Variants in DSP observed in about 807,000 individuals in gnomAD.
DSP encodes 250/210 kDa paraneoplastic pemphigus antigen.
DSP carries 114 observed loss-of-function variants against 290.6 expected under a neutral mutation model. That is an observed-to-expected ratio of 0.39 (90% CI 0.34 to 0.46). The LOEUF is 0.46. DSP is among the 20% of genes least tolerant of loss of function. The pLI is 0.99. For missense variants in DSP, 3,230 were observed against 3,495.8 expected (o/e 0.92, Z 1.92); for synonymous variants, 1,311 against 1,316.4 (o/e 1.00, Z 0.09).
At chr6:7,559,595 C>T (rs1281521929) in intron 4 of DSP, among the ~76,000 whole-genome samples, 195 bp downstream of exon 4, 3 of 152,170 alleles carry the variant, frequency 2.0e-5, no homozygotes, top group African/African-American at 7.2e-5. Context: ...TTCAGTGTGG[C>T]TTGGGGAATC....
intron 11 of DSP, 93 bp downstream of exon 11, chr6:7,568,682 A>G: frequency 7.4e-7 from 1 of 1,349,198 alleles, no homozygotes. Context: ...CTAGAGTTCA[A>G]TAATCACCAC....
chr6:7,559,332 G>T lies in DSP; in HGVS notation c.529G>T (p.Gly177Cys). 1 of 1,613,760 alleles carries T rather than the reference G, an allele frequency of 6.2e-7. No homozygotes were observed. The highest frequency in any genetic ancestry group is 1.3e-5 in the African/African-American group (1 of 75,038). ...TGGTGGAGGCTACACTTGTCAGAGT[G>T]GCTCTGGCTGGGATGAGTTCACCAA... ...KGGGGYTCQS[G>C]SGWDEFTKHV... Residue 177 changes from glycine (G) to cysteine (C), a missense_variant, in exon 4 of 24, where the codon GGC becomes TGC. Around this residue, in one of 5 missense-constraint regions of DSP, gnomAD observed 646 missense variants for 684.3 expected, o/e 0.94. Transcript: ENST00000379802.
intron 1 of DSP, among the ~76,000 whole-genome samples, chr6:7,552,151 T>G (rs1758359485): frequency 1.3e-5 from 2 of 152,220 alleles, no homozygotes; most frequent in African/African-American, 4.8e-5. Context: ...AAGCTTTTTA[T>G]TTTTTCAACC....
rs1360185127 is a variant in DSP, at chr6:7,576,214, A to T, written c.2631-80A>T. On this transcript the variant is annotated intron_variant, in intron 18 of 23. Transcript: ENST00000379802. ...GATCAGTTTTCTTGGGTATATATCAAGTGAATTTCTGGGTGATTCTATGTT... is the reference window on the plus strand; with the variant it reads ...GATCAGTTTTCTTGGGTATATATCATGTGAATTTCTGGGTGATTCTATGTT... 16 of 1,489,092 alleles carry T rather than the reference A, an allele frequency of 1.1e-5. No homozygotes were observed. The South Asian group carries it at 1.9e-4, about 17-fold the overall frequency. 92.2% of individuals were successfully genotyped at this position (1,489,092 alleles called of 1,614,324 possible).
In DSP at chr6:7,582,164, G is replaced by A. The variant is rs200390922; in HGVS notation, c.5380-478G>A. On this transcript the variant is annotated intron_variant, in intron 23 of 23. Coordinates refer to ENST00000379802, the MANE Select transcript of DSP (RefSeq NM_004415.4). This position sits in a 1 kb window ranked among gnomAD's most constrained non-coding sequence, Gnocchi z 4.2. ...GGTGTGTGTGTGTGTGTGTGTGTGT[G>A]TGTATATCTATATATTATATATATA... Among the ~76,000 whole-genome samples the A allele has an allele frequency of 1.7e-3, 171 of 99,538 alleles. 1 individual carries two copies. The highest frequency in any genetic ancestry group is 5.6e-3 in the African/African-American group (140 of 24,980). 65.3% of individuals were successfully genotyped at this position (99,538 alleles called of 152,430 possible). A position where few individuals can be genotyped will look rare whatever the true frequency, so the allele number is the denominator to read the frequency against.
At chr6:7,542,607 T>C (rs2294454) in intron 1 of DSP, among the ~76,000 whole-genome samples, 15,305 of 151,956 alleles carry the variant, frequency 0.1, 1,065 homozygotes, top group East Asian at 0.26. Flanking sequence ...ACTCCTGGAC[T>C]CCTCGGCCAC....
In DSP at chr6:7,582,605, C is replaced by A; in HGVS notation, c.5380-37C>A. On this transcript the variant is annotated intron_variant, in intron 23 of 23. Coordinates refer to ENST00000379802, the MANE Select transcript of DSP (RefSeq NM_004415.4). The surrounding 1 kb of genome is among the most constrained non-coding windows in gnomAD (Gnocchi z 4.2). ...GATAGTAATATGATATGATTCAAAA[C>A]ATTATTTTTTCCCATTTCTTTCTTC... 1 of 1,542,314 alleles carries A rather than the reference C, an allele frequency of 6.5e-7. No homozygotes were observed. The highest frequency in any genetic ancestry group is 9.0e-7 in the Non-Finnish European group (1 of 1,115,706).
chr6:7,578,385 A>G, intron 21 of DSP, 79 bp from the exon 22 acceptor site: 2 of 1,212,830 alleles, frequency 1.6e-6, no homozygotes, highest in Non-Finnish European at 2.4e-6. Flanking sequence ...ACTATTTTAG[A>G]AAACAAAATC....
chr6:7,572,108 T>C (rs1267379650), intron 15 of DSP, 40 bp downstream of exon 15: 1 of 1,532,524 alleles, frequency 6.5e-7, no homozygotes, highest in South Asian at 1.1e-5. Flanking sequence ...ACCCTGTATA[T>C]TTTTATTTAC....
At chr6:7,568,709 C>A in intron 11 of DSP, 120 bp downstream of exon 11, 2 of 1,127,470 alleles carry the variant, frequency 1.8e-6, no homozygotes, top group South Asian at 1.3e-5. Context: ...TGTCTTTGAT[C>A]TATGAAATCA....
chr6:7,550,886 T>C (rs1183732345), intron 1 of DSP, among the ~76,000 whole-genome samples: 12 of 152,152 alleles, frequency 7.9e-5, no homozygotes, highest in African/African-American at 2.9e-4. Flanking sequence ...CTTGTTAATT[T>C]AATTCCTAAC....
chr6:7,552,718 T>C (rs1561677290), intron 1 of DSP, among the ~76,000 whole-genome samples: 2 of 151,258 alleles, frequency 1.3e-5, no homozygotes, highest in Non-Finnish European at 2.9e-5. Flanking sequence ...AGGCAAGGTG[T>C]CTTCTCTTTA....
At position 7,541,691 on chromosome 6, in the gene DSP, T is replaced by C. The variant is rs138647938; in HGVS notation, c.-225T>C. The C allele has an allele frequency of 4.3e-5, 25 of 577,762 alleles. No homozygotes were observed. Among genetic ancestry groups the C allele is most frequent in the Middle Eastern group, 4.6e-4 (1 of 2,164 alleles). The allele number at this position is 577,762 out of a possible 1,614,324, so 35.8% of individuals were successfully genotyped here. On this transcript the variant is annotated 5_prime_UTR_variant, in exon 1 of 24. Transcript: ENST00000379802. The stretch of plus-strand genomic sequence containing the variant: ...CAGCTCCTCTGCGCCCTTGCCGCCC[T>C]CCGAGCCACAGCTTTCCTCCCGCTC...
chr6:7,542,729 C>A (rs557479112), intron 1 of DSP, among the ~76,000 whole-genome samples: 1 of 152,324 alleles, frequency 6.6e-6, no homozygotes, highest in South Asian at 2.1e-4. Context: ...GGGGCGGCTG[C>A]CGGGCCCGGG....
Position 7,581,274 on chromosome 6 carries a change from G to A in DSP, c.5084G>A (p.Ser1695Asn), listed in dbSNP as rs758637843. 6.2e-6 allele frequency: 10 copies of A among 1,614,110 alleles called. No homozygotes were observed. In the South Asian group the frequency reaches 9.9e-5, roughly 16 times the overall value. ...AAGGCGATAGAAGATAAAAGCAGAA[G>A]CTTAAATGAAAGCAAAATAGAAATT... is the stretch of plus-strand genomic sequence containing the variant. ...FQKAIEDKSR[S>N]LNESKIEIER... The change falls in exon 23 of 24, where the codon AGC becomes AAC. Residue 1695 changes from serine (S) to asparagine (N), a missense_variant. Ser to Asn is a conservative substitution (Grantham distance 46). This residue lies in a region of DSP where 1,714 missense variants were observed against 1,844.5 expected (regional missense o/e 0.93). Transcript: ENST00000379802.
chr6:7,582,665 A>G lies in DSP; in HGVS notation c.5403A>G (p.Ser1801=), dbSNP rs1759476087. The change falls in exon 24 of 24, where the codon TCA becomes TCG. Residue 1801 remains serine, a synonymous_variant. Coordinates refer to ENST00000379802, the MANE Select transcript of DSP (RefSeq NM_004415.4). The surrounding 1 kb of genome is among the most constrained non-coding windows in gnomAD (Gnocchi z 4.2). ...AGGCATCTAATAGGATTCAGGAATCAAAGAATCAGTGTACTCAGGTGGTAC... is the reference window on the plus strand; with the variant it reads ...AGGCATCTAATAGGATTCAGGAATCGAAGAATCAGTGTACTCAGGTGGTAC... ...ALEASNRIQE[S]KNQCTQVVQE... is the part of the protein sequence containing the mutation. 6.2e-7 allele frequency: 1 copy of G among 1,613,788 alleles called. No homozygotes were observed.
In DSP at chr6:7,555,728, A is replaced by G. The variant is rs1380249575; in HGVS notation, c.181A>G (p.Thr61Ala). The G allele has an allele frequency of 2.5e-6, 4 of 1,614,100 alleles. No individual in the cohort carries two copies. The highest frequency in any genetic ancestry group is 2.2e-5 in the East Asian group (1 of 44,896). The change falls in exon 2 of 24, where the codon ACG becomes GCG. Residue 61 changes from threonine to alanine, a missense_variant. Around this residue, in one of 5 missense-constraint regions of DSP, gnomAD observed 646 missense variants for 684.3 expected, o/e 0.94. Transcript: ENST00000379802. ...QNSDGYCQTG[T>A]MSRHQNQNTI... Reference sequence around the variant, plus strand: ...TGTTTGCCTCCTTAGTCAAACCGGCACGATGTCCAGGCACCAGAACCAGAA... The same window carrying G: ...TGTTTGCCTCCTTAGTCAAACCGGCGCGATGTCCAGGCACCAGAACCAGAA...
chr6:7,571,061 C>G (rs1759028573), intron 13 of DSP, among the ~76,000 whole-genome samples: 1 of 152,010 alleles, frequency 6.6e-6, no homozygotes, highest in Admixed American at 6.6e-5. Flanking sequence ...ACAGAAAGTA[C>G]CTTTTGGGGT....
rs762449180 is a variant in DSP at position 7,579,702 on chromosome 6, T to C, written c.3512T>C (p.Ile1171Thr). The C allele has an allele frequency of 1.1e-5, 17 of 1,613,196 alleles. No individual in the cohort carries two copies. In the South Asian group the frequency reaches 1.9e-4, roughly 18 times the overall value. The change falls in exon 23 of 24, where the codon ATT becomes ACT. Residue 1171 changes from isoleucine to threonine, a missense_variant. Physicochemically the swap from Ile to Thr is moderately conservative, Grantham distance 89. This residue lies in a region of DSP where 1,714 missense variants were observed against 1,844.5 expected (regional missense o/e 0.93). Transcript: ENST00000379802. The surrounding 1 kb of genome is among the most constrained non-coding windows in gnomAD (Gnocchi z 4.1). ...GCCATCAAGGAGAAGGAGTACGAGATTGAAAGGTTGAGGGTTCTACTGCAG... is the reference window on the plus strand; with the variant it reads ...GCCATCAAGGAGAAGGAGTACGAGACTGAAAGGTTGAGGGTTCTACTGCAG... The part of the protein sequence containing the change: ...EKAIKEKEYE[I>T]ERLRVLLQEE...
Sources: allele counts gnomAD v4.1 joint callset (sites outside exome capture counted in the v4.1 genomes callset), GRCh38; gene constraint gnomAD v4.1.1; regional missense constraint gnomAD v4.1.1; non-coding constraint Gnocchi (gnomAD v3.1); transcripts MANE v1.5; gene names NCBI Gene and HGNC (gene_info 2026-07-23, HGNC 2026-07-21).